The following SLC41A2 variants were observed in gnomAD, a reference collection of about 807,000 sequenced individuals.
The protein encoded by SLC41A2 is SLC41A1-like 1.
In SLC41A2, 32 loss-of-function variants were observed where a neutral mutation model predicts 58.3. The ratio of observed to expected loss-of-function variants is 0.55; its 90% CI spans 0.41 to 0.74. SLC41A2 has a LOEUF of 0.74. Ranked by LOEUF, SLC41A2 falls within the 30% of genes least tolerant of loss-of-function variation. The pLI, the probability that SLC41A2 is intolerant of heterozygous loss-of-function variation, is 0.00. For missense variants in SLC41A2, 514 were observed against 680.6 expected, an observed-to-expected ratio of 0.76 and a Z score of 2.72; for synonymous variants, 190 against 235.0, an observed-to-expected ratio of 0.81 and a Z score of 1.75.
intron 10 of SLC41A2, among the ~76,000 whole-genome samples, chr12:104,836,958 G>A (rs1257903750): frequency 6.6e-6 from 1 of 152,134 alleles, no homozygotes; most frequent in Non-Finnish European, 1.5e-5. Flanking sequence ...TGTACTGTAG[G>A]AATGGCAACT....
rs1157957110 is a variant in SLC41A2, at chr12:104,928,294, A to G, written c.234T>C (p.Asn78=). Residue 78 remains asparagine, a synonymous_variant, in exon 2 of 11, where the codon AAT becomes AAC. Transcript: ENST00000258538. ...GLSTAVQTFS[N]RSEQHMEYHS... ...GATACTCCATGTGTTGCTCAGATCT[A>G]TTACTAAAAGTCTGTACTGCAGTTG... 3.1e-6 allele frequency: 5 copies of G among 1,612,690 alleles called. No homozygotes were observed. Among genetic ancestry groups the G allele is most frequent in the Admixed American group, 1.7e-5 (1 of 59,896 alleles).
At chr12:104,880,948 A>T (rs560034133) in intron 6 of SLC41A2, among the ~76,000 whole-genome samples, 1 of 152,164 alleles carries the variant, frequency 6.6e-6, no homozygotes, top group East Asian at 1.9e-4. Context: ...CTGGTCCTGG[A>T]CTTTTTTTGG....
At chr12:104,924,413 A>G (rs1184814833) in intron 2 of SLC41A2, among the ~76,000 whole-genome samples, 1 of 152,200 alleles carries the variant, frequency 6.6e-6, no homozygotes, top group East Asian at 1.9e-4. Context: ...CCATCTCTAC[A>G]TATATACCCA....
chr12:104,944,153 A>G (rs1398631133), intron 1 of SLC41A2, among the ~76,000 whole-genome samples: 1 of 152,214 alleles, frequency 6.6e-6, no homozygotes, highest in African/African-American at 2.4e-5. Flanking sequence ...CATGGCTATC[A>G]CATCTTAAAT....
At chr12:104,859,381 C>G (rs547999549) in intron 8 of SLC41A2, among the ~76,000 whole-genome samples, 36 of 152,300 alleles carry the variant, frequency 2.4e-4, no homozygotes, top group African/African-American at 8.2e-4. Flanking sequence ...AGGAAGCCTA[C>G]TTTATTACTT....
intron 10 of SLC41A2, among the ~76,000 whole-genome samples, chr12:104,809,244 T>C (rs2041063216): frequency 6.6e-6 from 1 of 152,244 alleles, no homozygotes; most frequent in African/African-American, 2.4e-5. Flanking sequence ...GCCCCTGGTA[T>C]GTGCAGGAGG....
intron 2 of SLC41A2, among the ~76,000 whole-genome samples, chr12:104,919,560 T>C (rs914114932): frequency 7.2e-5 from 11 of 152,218 alleles, no homozygotes; most frequent in Admixed American, 2.6e-4. Flanking sequence ...GTAGTGATAG[T>C]TCATTGTGGT....
At chr12:104,806,113 T>C (rs1390106076) in intron 10 of SLC41A2, among the ~76,000 whole-genome samples, 1 of 152,190 alleles carries the variant, frequency 6.6e-6, no homozygotes, top group African/African-American at 2.4e-5. Context: ...GTGCACAACG[T>C]GCAGGTTTGT....
At chr12:104,942,135 C>G (rs1046814505) in intron 1 of SLC41A2, among the ~76,000 whole-genome samples, 1 of 152,024 alleles carries the variant, frequency 6.6e-6, no homozygotes, top group Non-Finnish European at 1.5e-5. Context: ...ACATTTCTTA[C>G]ATGTATCTTA....
rs549043336 is a variant in SLC41A2, at chr12:104,943,193, G to A, written c.-167-14499C>T. Among the ~76,000 whole-genome samples the A allele has an allele frequency of 8.5e-5, 13 of 152,136 alleles. No individual in the cohort carries two copies. The South Asian group carries it at 1.9e-3, about 22-fold the overall frequency. Reference sequence around the variant, plus strand: ...ACCTTCTTTTTAAGAGAAGAGAAAGGAAGAAAGGGAGCCAATGTATCAATG... The same window carrying A: ...ACCTTCTTTTTAAGAGAAGAGAAAGAAAGAAAGGGAGCCAATGTATCAATG... On this transcript the variant is annotated intron_variant, in intron 1 of 10. Coordinates refer to ENST00000258538, the MANE Select transcript of SLC41A2 (RefSeq NM_001352171.3).
intron 3 of SLC41A2, among the ~76,000 whole-genome samples, chr12:104,906,033 G>A (rs187011248): frequency 6.6e-6 from 1 of 152,374 alleles, no homozygotes; most frequent in East Asian, 1.9e-4. Flanking sequence ...GAGGTGCCGA[G>A]AGCAAGCGAG....
At chr12:104,867,763 T>C (rs910826138) in intron 6 of SLC41A2, among the ~76,000 whole-genome samples, 6 of 151,300 alleles carry the variant, frequency 4.0e-5, no homozygotes, top group African/African-American at 1.5e-4. Context: ...GATTACTTAA[T>C]CTAAGTCAAA....
At chr12:104,831,216 G>A (rs967162689) in intron 10 of SLC41A2, among the ~76,000 whole-genome samples, 1 of 151,652 alleles carries the variant, frequency 6.6e-6, no homozygotes. Flanking sequence ...ATTTACTTTC[G>A]ATCATAAAAT....
intron 8 of SLC41A2, chr12:104,851,932 A>G (rs2136367994): frequency 6.6e-6 from 1 of 152,292 alleles, no homozygotes; most frequent in Non-Finnish European, 1.5e-5. Context: ...ATAAAAAAAT[A>G]AACAAACAAT....
intron 4 of SLC41A2, among the ~76,000 whole-genome samples, chr12:104,890,083 C>G (rs1400050793): frequency 6.6e-6 from 1 of 152,114 alleles, no homozygotes; most frequent in Admixed American, 6.6e-5. Flanking sequence ...TTCTCTTTCT[C>G]TAGGCAAACA....
At chr12:104,883,087 A>T in intron 6 of SLC41A2, among the ~76,000 whole-genome samples, 1 of 152,066 alleles carries the variant, frequency 6.6e-6, no homozygotes, top group Non-Finnish European at 1.5e-5. Context: ...AATCACTGAT[A>T]CCCTTTCTTC....
chr12:104,849,175 A>G (rs1289603750), intron 8 of SLC41A2, among the ~76,000 whole-genome samples: 1 of 152,228 alleles, frequency 6.6e-6, no homozygotes, highest in Non-Finnish European at 1.5e-5. Context: ...CACACCATAA[A>G]GGAAAATGTT....
chr12:104,826,040 G>A (rs921513903), intron 10 of SLC41A2, among the ~76,000 whole-genome samples: 5 of 152,152 alleles, frequency 3.3e-5, no homozygotes, highest in Admixed American at 2.0e-4. Flanking sequence ...GAAGATGCTC[G>A]CTTTCTCTCT....
chr12:104,937,381 T>C (rs1490753101), intron 1 of SLC41A2, among the ~76,000 whole-genome samples: 1 of 152,230 alleles, frequency 6.6e-6, no homozygotes, highest in Non-Finnish European at 1.5e-5. Flanking sequence ...GTTTTTACTA[T>C]ACGTTTTCTA....
Sources: gnomAD v4.1 joint callset for allele counts (sites outside exome capture counted in the v4.1 genomes callset) on GRCh38, gnomAD v4.1.1 for gene constraint, MANE v1.5 for transcripts, NCBI Gene and HGNC (gene_info 2026-07-23, HGNC 2026-07-21) for gene names.